The following BICDL1 variants were observed in gnomAD, a reference collection of about 807,000 sequenced individuals.
BICDL1 encodes the protein BICD family like cargo adaptor 1, also known as BICD family-like cargo adapter 1.
Under a neutral mutation model 76.8 loss-of-function variants are expected in BICDL1, and 20 were observed. The ratio of observed to expected loss-of-function variants is 0.26; its 90% CI spans 0.18 to 0.38. The LOEUF is 0.38. Ranked by LOEUF, BICDL1 falls within the 10% of genes least tolerant of loss-of-function variation. BICDL1 has a pLI of 1.00. For missense variants in BICDL1, 700 were observed against 798.6 expected, an observed-to-expected ratio of 0.88 and a Z score of 1.49; for synonymous variants, 383 against 337.1, an observed-to-expected ratio of 1.14 and a Z score of -1.49.
At chr12:120,090,741 C>A (rs1032614936) in intron 9 of BICDL1, 1 of 435,138 alleles carries the variant, frequency 2.3e-6, no homozygotes, top group Non-Finnish European at 4.2e-6. Flanking sequence ...GTAAGCCCCC[C>A]GTGGAGGGCA....
chr12:120,052,484 T>C (rs1952883723), intron 2 of BICDL1, among the ~76,000 whole-genome samples: 2 of 152,224 alleles, frequency 1.3e-5, no homozygotes, highest in Middle Eastern at 6.8e-3. Flanking sequence ...ATAATTAGAT[T>C]GAGGTTATTC....
intron 2 of BICDL1, among the ~76,000 whole-genome samples, chr12:120,035,447 C>T (rs560941601): frequency 1.5e-3 from 230 of 152,262 alleles, no homozygotes; most frequent in Middle Eastern, 6.8e-3. Flanking sequence ...GATACGTAGC[C>T]TTATCTTATT....
chr12:120,091,089 T>C, intron 9 of BICDL1: 8 of 1,281,896 alleles, frequency 6.2e-6, no homozygotes, highest in Non-Finnish European at 8.1e-6. Flanking sequence ...CCGCCTCCCC[T>C]CATGGCCCAC....
chr12:120,024,136 C>A lies in BICDL1; in HGVS notation c.645+25400C>A, dbSNP rs1594130050. ...CTCTACTTAAAAATACAAGAATTAGCTGGGCATGGTGGTGCACGCTTGTAA... is the reference window on the plus strand; with the variant it reads ...CTCTACTTAAAAATACAAGAATTAGATGGGCATGGTGGTGCACGCTTGTAA... On this transcript the variant is annotated intron_variant, in intron 2 of 9. Transcript: ENST00000548673. Among the ~76,000 whole-genome samples, 9 of 152,098 alleles carry A rather than the reference C, an allele frequency of 5.9e-5. No homozygotes were observed. The South Asian group carries it at 1.9e-3, about 32-fold the overall frequency.
intron 2 of BICDL1, among the ~76,000 whole-genome samples, chr12:120,007,508 C>T (rs540132097): frequency 1.3e-5 from 2 of 152,288 alleles, no homozygotes; most frequent in South Asian, 2.1e-4. Context: ...GAGTTCATGC[C>T]TGTGAGGTGA....
rs187130305 is a variant in BICDL1, at chr12:120,071,433, C to T, written c.910-189C>T. On this transcript the variant is annotated intron_variant, in intron 4 of 9. Coordinates refer to ENST00000548673, the MANE Select transcript of BICDL1 (RefSeq NM_001367886.1). The surrounding 1 kb of genome is among the most constrained non-coding windows in gnomAD (Gnocchi z 4.8). ...CTGGGATTACAGGGGTGAGCCACCG[C>T]GCCCAGTCAGAATTTTCTAGATCTG... 1.6e-3 allele frequency among the ~76,000 whole-genome samples: 248 copies of T among 152,308 alleles called. 1 individual carries two copies. The highest frequency in any genetic ancestry group is 3.1e-3 in the Non-Finnish European group (214 of 68,030).
chr12:120,050,994 GAGA>G (rs1431193363), intron 2 of BICDL1, among the ~76,000 whole-genome samples: 1 of 152,062 alleles, frequency 6.6e-6, no homozygotes, highest in African/African-American at 2.4e-5. Flanking sequence ...TTCCAAATCT[GAGA>G]AGGTTGTACT....
At chr12:120,085,704 G>A (rs1204717832) in intron 8 of BICDL1, among the ~76,000 whole-genome samples, 1 of 151,404 alleles carries the variant, frequency 6.6e-6, no homozygotes, top group Non-Finnish European at 1.5e-5. Flanking sequence ...AGTCGCAGAG[G>A]TGGGAGGATC....
chr12:120,094,271 T>G lies in BICDL1; in HGVS notation c.*1110T>G, dbSNP rs1428875398. ...TCACAACCGATTCAGTCTCCCTCCC[T>G]CCCTCACGTGGGGAAAGCACAGCAG... On this transcript the variant is annotated 3_prime_UTR_variant, in exon 10 of 10. Coordinates refer to ENST00000548673, the MANE Select transcript of BICDL1 (RefSeq NM_001367886.1). 1 of 456,588 alleles carries G rather than the reference T, an allele frequency of 2.2e-6. No homozygotes were observed. Among genetic ancestry groups the G allele is most frequent in the East Asian group, 6.9e-5 (1 of 14,410 alleles). The allele number at this position is 456,588 out of a possible 1,614,324, so 28.3% of individuals were successfully genotyped here. A position where few individuals can be genotyped will look rare whatever the true frequency, so the allele number is the denominator to read the frequency against.
intron 9 of BICDL1, chr12:120,092,605 G>A (rs1333155919): frequency 2.0e-6 from 2 of 985,352 alleles, no homozygotes; most frequent in East Asian, 2.3e-4. Context: ...CCGGGGCTGG[G>A]GGTGGCAAGC....
chr12:120,069,863 A>G (rs1320553564), intron 4 of BICDL1, among the ~76,000 whole-genome samples: 1 of 151,978 alleles, frequency 6.6e-6, no homozygotes, highest in Non-Finnish European at 1.5e-5. Flanking sequence ...CTCTACTCCA[A>G]CGTTTTTCTA....
At chr12:120,064,357 G>T in intron 3 of BICDL1, among the ~76,000 whole-genome samples, 1 of 152,160 alleles carries the variant, frequency 6.6e-6, no homozygotes, top group African/African-American at 2.4e-5. Flanking sequence ...GAGAAGTAGT[G>T]CAGCAGGTTA....
chr12:120,090,384 A>G (rs1874853295), intron 9 of BICDL1, among the ~76,000 whole-genome samples: 1 of 152,186 alleles, frequency 6.6e-6, no homozygotes, highest in Non-Finnish European at 1.5e-5. Context: ...GTTAACATGG[A>G]GGCCCAGGAA....
At chr12:120,001,209 A>G (rs1280477228) in intron 2 of BICDL1, among the ~76,000 whole-genome samples, 1 of 152,114 alleles carries the variant, frequency 6.6e-6, no homozygotes, top group Non-Finnish European at 1.5e-5. Context: ...TTAAGACAAG[A>G]TAATCAACAG....
chr12:120,079,213 G>T lies in BICDL1; in HGVS notation c.1453-1674G>T, dbSNP rs1217736920. On this transcript the variant is annotated intron_variant, in intron 7 of 9. Coordinates refer to ENST00000548673, the MANE Select transcript of BICDL1 (RefSeq NM_001367886.1). This position sits in a 1 kb window ranked among gnomAD's most constrained non-coding sequence, Gnocchi z 4.3. ...CCATTGCTTATGGTGGCAACAGATT[G>T]TCCTTCTGTCCCTCTTCACTGTTGG... Among the ~76,000 whole-genome samples the T allele has an allele frequency of 6.6e-6, 1 of 152,212 alleles. No homozygotes were observed. The highest frequency in any genetic ancestry group is 2.4e-5 in the African/African-American group (1 of 41,454).
intron 2 of BICDL1, among the ~76,000 whole-genome samples, chr12:120,025,341 C>T (rs536878496): frequency 6.6e-5 from 10 of 152,122 alleles, no homozygotes; most frequent in Non-Finnish European, 1.2e-4. Context: ...TGAACCACCG[C>T]GCCCGGCCGA....
chr12:119,993,615 G>GT (rs2138582607), intron 1 of BICDL1, among the ~76,000 whole-genome samples: 1 of 147,574 alleles, frequency 6.8e-6, no homozygotes, highest in Non-Finnish European at 1.5e-5. Context: ...GCTTAAAGTT[G>GT]TTTCTTTTTT....
At chr12:120,004,460 G>T (rs1951815922) in intron 2 of BICDL1, among the ~76,000 whole-genome samples, 1 of 152,152 alleles carries the variant, frequency 6.6e-6, no homozygotes, top group Admixed American at 6.5e-5. Flanking sequence ...AGATAGGGAG[G>T]GTGATAAAGA....
Position 120,074,625 on chromosome 12 carries a change from C to T in BICDL1, c.1452+39C>T, listed in dbSNP as rs750513285. 4.3e-5 allele frequency: 46 copies of T among 1,064,014 alleles called. No individual in the cohort carries two copies. The South Asian group carries it at 9.5e-4, about 22-fold the overall frequency. The allele number at this position is 1,064,014 out of a possible 1,614,324, so 65.9% of individuals were successfully genotyped here. Reference sequence around the variant, plus strand: ...CCTTCAGTTCAGTGCAGGGCATGTGCACCTGCCCCTGGCTCTCTTGGGACC... The same window carrying T: ...CCTTCAGTTCAGTGCAGGGCATGTGTACCTGCCCCTGGCTCTCTTGGGACC... On this transcript the variant is annotated intron_variant, in intron 7 of 9. Transcript: ENST00000548673.
Sources: gnomAD v4.1 joint callset for allele counts (sites outside exome capture counted in the v4.1 genomes callset) on GRCh38, gnomAD v4.1.1 for gene constraint, Gnocchi (gnomAD v3.1) non-coding constraint, MANE v1.5 for transcripts, NCBI Gene and HGNC (gene_info 2026-07-23, HGNC 2026-07-21) for gene names.